Variants in STARD13 observed in about 807,000 individuals in gnomAD.
STARD13 encodes the protein StAR related lipid transfer domain containing 13, also known as stAR-related lipid transfer protein 13.
STARD13 carries 62 observed loss-of-function variants against 106.4 expected under a neutral mutation model. The ratio of observed to expected loss-of-function variants is 0.58; its 90% confidence interval spans 0.48 to 0.72. The LOEUF (loss-of-function observed/expected upper bound fraction) is 0.72, where lower values mean the gene tolerates loss of function less well. STARD13 is among the 30% of genes least tolerant of loss of function. The pLI is 0.00. For missense variants in STARD13, 1,387 were observed against 1,424.0 expected (o/e 0.97, Z 0.42); for synonymous variants, 565 against 553.0 (o/e 1.02, Z -0.31).
the STARD13 span, among the ~76,000 whole-genome samples, chr13:33,634,706 G>A: frequency 1.3e-5 from 2 of 148,630 alleles, no homozygotes; most frequent in African/African-American, 2.6e-5. Flanking sequence ...CTGCCCCGCC[G>A]CCACACACAC....
At chr13:33,539,858 G>C in the STARD13 span, among the ~76,000 whole-genome samples, 216 of 152,218 alleles carry the variant, frequency 1.4e-3, no homozygotes, top group Middle Eastern at 3.4e-3. Context: ...CTCTTTAAAA[G>C]ACACTTTTAA....
chr13:33,544,974 A>C, the STARD13 span, among the ~76,000 whole-genome samples: 7 of 150,244 alleles, frequency 4.7e-5, no homozygotes, highest in South Asian at 1.5e-3. Flanking sequence ...TATTTATTTG[A>C]GACGGGGTTT....
intron 4 of STARD13, among the ~76,000 whole-genome samples, chr13:33,131,117 T>A (rs769950880): frequency 4.6e-5 from 7 of 152,222 alleles, no homozygotes; most frequent in Non-Finnish European, 8.8e-5. Context: ...CTGCATTCCC[T>A]GAGGCCAGAG....
the STARD13 span, among the ~76,000 whole-genome samples, chr13:33,418,275 C>A: frequency 6.6e-6 from 1 of 152,240 alleles, no homozygotes; most frequent in African/African-American, 2.4e-5. Flanking sequence ...ACCAGCAGAT[C>A]AGGAGATTCT....
chr13:33,105,732 A>G, intron 13 of STARD13, 22 bp from the exon 14 acceptor site: 1 of 1,585,154 alleles, frequency 6.3e-7, no homozygotes. Context: ...GAAATCAGAA[A>G]GGAAGTGGGA....
In STARD13 at chr13:33,112,738, C is replaced by A. The variant is rs776865173; in HGVS notation, c.2475G>T (p.Lys825Asn). ...APSLFHLNLL[K>N]KESSPRVIQK... ...AAACCCACCGTGGAGAGCTTTCTTT[C>A]TTCAATAAATTAAGATGAAAGAGGG... Residue 825 changes from lysine to asparagine, a missense_variant, in exon 9 of 14, where the codon AAG (lysine) becomes AAT (asparagine). Lys to Asn is a moderately conservative substitution (Grantham distance 94). Transcript: ENST00000336934. 1 of 1,599,154 alleles carries A rather than the reference C, an allele frequency of 6.3e-7. No homozygotes were observed. The highest frequency in any genetic ancestry group is 8.5e-7 in the Non-Finnish European group (1 of 1,173,592).
chr13:33,178,794 T>C (rs1884959234), intron 1 of STARD13, among the ~76,000 whole-genome samples: 1 of 152,206 alleles, frequency 6.6e-6, no homozygotes, highest in Non-Finnish European at 1.5e-5. Flanking sequence ...TATTTCCTGG[T>C]TGCTGAAGTT....
chr13:33,343,943 CT>C (rs1052589616), downstream of STARD13, among the ~76,000 whole-genome samples: 2 of 151,504 alleles, frequency 1.3e-5, no homozygotes, highest in Non-Finnish European at 2.9e-5. Flanking sequence ...CACGACTGAT[CT>C]TTTTTTTTCT....
chr13:33,664,311 A>C, the STARD13 span, among the ~76,000 whole-genome samples: 1 of 152,128 alleles, frequency 6.6e-6, no homozygotes, highest in African/African-American at 2.4e-5. Context: ...AGACACACTT[A>C]TTTTGTTTTT....
chr13:33,436,998 C>T, the STARD13 span, among the ~76,000 whole-genome samples: 1 of 152,104 alleles, frequency 6.6e-6, no homozygotes, highest in Non-Finnish European at 1.5e-5. Context: ...AGTCTGACTA[C>T]CATATTCTGT....
rs372524018 is a variant in STARD13 at position 33,110,713 on chromosome 13, C to T, written c.2802G>A (p.Thr934=). ...KFKGWVTCSS[T]DNTDLAFKKV... is the part of the protein sequence containing the mutation. Reference sequence around the variant, plus strand: ...TTTTGAAAGCAAGATCTGTATTGTCCGTGCTGGAGCACGTGACCCATCCTT... The same window carrying T: ...TTTTGAAAGCAAGATCTGTATTGTCTGTGCTGGAGCACGTGACCCATCCTT... The change falls in exon 11 of 14, where the codon ACG becomes ACA. Residue 934 remains threonine, a synonymous_variant. Transcript: ENST00000336934. The T allele has an allele frequency of 2.8e-5, 45 of 1,614,178 alleles. No homozygotes were observed. Among genetic ancestry groups the T allele is most frequent in the African/African-American group, 6.7e-5 (5 of 75,054 alleles).
intron 8 of STARD13, chr13:33,113,298 C>T (rs1334883843): frequency 2.7e-6 from 1 of 368,874 alleles, no homozygotes; most frequent in Admixed American, 3.7e-5. Context: ...AACCTGGCAT[C>T]CCTCTTGCCC....
chr13:33,595,561 A>T, the STARD13 span, among the ~76,000 whole-genome samples: 1 of 152,198 alleles, frequency 6.6e-6, no homozygotes, highest in East Asian at 1.9e-4. Context: ...AATTATACCT[A>T]AGTCTTTCTA....
chr13:33,599,653 C>T, the STARD13 span, among the ~76,000 whole-genome samples: 5 of 151,792 alleles, frequency 3.3e-5, no homozygotes, highest in African/African-American at 9.7e-5. Flanking sequence ...TCAAAAGCAG[C>T]AAAATTTAAA....
At chr13:33,653,013 A>G in the STARD13 span, among the ~76,000 whole-genome samples, 1 of 152,190 alleles carries the variant, frequency 6.6e-6, no homozygotes, top group Non-Finnish European at 1.5e-5. Flanking sequence ...AACATCACTA[A>G]AAGAGATTAA....
At chr13:33,519,053 T>C in the STARD13 span, among the ~76,000 whole-genome samples, 21 of 152,048 alleles carry the variant, frequency 1.4e-4, no homozygotes, top group African/African-American at 5.1e-4. Flanking sequence ...CAAGCCTGCA[T>C]ACCTGATGCC....
intron 1 of STARD13, among the ~76,000 whole-genome samples, chr13:33,253,164 A>G (rs990540370): frequency 1.3e-5 from 2 of 152,152 alleles, no homozygotes; most frequent in Non-Finnish European, 2.9e-5. Context: ...AGTCCTGCTA[A>G]AAGGATAGTT....
chr13:33,429,061 G>T, the STARD13 span, among the ~76,000 whole-genome samples: 1 of 152,190 alleles, frequency 6.6e-6, no homozygotes, highest in Non-Finnish European at 1.5e-5. Flanking sequence ...GAGAACTCCT[G>T]TGTGCTGTTG....
At chr13:33,113,289 A>G (rs1003014741) in intron 8 of STARD13, 3 of 375,934 alleles carry the variant, frequency 8.0e-6, no homozygotes, top group Non-Finnish European at 1.5e-5. Context: ...GACTCTGTCA[A>G]CCTGGCATCC....
Sources: gnomAD v4.1 joint callset for allele counts (sites outside exome capture counted in the v4.1 genomes callset) on GRCh38, gnomAD v4.1.1 for gene constraint, MANE v1.5 for transcripts, NCBI Gene and HGNC (gene_info 2026-07-23, HGNC 2026-07-21) for gene names.